Variants in ZNF354A observed in about 807,000 individuals in gnomAD.
The protein encoded by ZNF354A is zinc finger protein 354A, also known as epididymis luminal protein 104.
Under a neutral mutation model 53.3 loss-of-function variants are expected in ZNF354A, and 25 were observed. That is an observed-to-expected ratio of 0.47 (90% CI 0.34 to 0.66). ZNF354A has a LOEUF of 0.66. ZNF354A is among the 30% of genes least tolerant of loss of function. The pLI, the probability that ZNF354A is intolerant of heterozygous loss-of-function variation, is 0.01. For synonymous variants in ZNF354A, 228 were observed against 249.0 expected (o/e 0.92, Z 0.79); for missense variants, 586 against 716.8 (o/e 0.82, Z 2.08).
intron 4 of ZNF354A, among the ~76,000 whole-genome samples, 187 bp downstream of exon 4, chr5:178,725,189 G>A (rs1561620924): frequency 6.6e-6 from 1 of 152,240 alleles, no homozygotes; most frequent in African/African-American, 2.4e-5. Context: ...CAACAGGAAA[G>A]AGTAAGAAAG....
At chr5:178,723,108 C>T (rs13188788) in intron 4 of ZNF354A, among the ~76,000 whole-genome samples, 60,858 of 152,044 alleles carry the variant, frequency 0.4, 13,113 homozygotes, top group Admixed American at 0.51. Context: ...CAGGGCCAGA[C>T]CACGTAGTGT....
chr5:178,713,726 A>C, intron 4 of ZNF354A, 105 bp from the exon 5 acceptor site: 5 of 1,359,766 alleles, frequency 3.7e-6, no homozygotes, highest in Non-Finnish European at 4.9e-6. Context: ...TTTAAATAAG[A>C]CCCTGATATC....
At chr5:178,719,149 T>G (rs142367500) in intron 4 of ZNF354A, among the ~76,000 whole-genome samples, 54 of 152,122 alleles carry the variant, frequency 3.5e-4, no homozygotes, top group African/African-American at 1.3e-3. Context: ...TCAAAAAGCA[T>G]TGGTCACGCC....
rs148731832 is a variant in ZNF354A at position 178,712,527 on chromosome 5, A to C, written c.1351T>G (p.Ser451Ala). The C allele has an allele frequency of 6.2e-7, 1 of 1,614,056 alleles. No individual in the cohort carries two copies. Among genetic ancestry groups the C allele is most frequent in the South Asian group, 1.1e-5 (1 of 91,086 alleles). The change falls in exon 5 of 5, where the codon TCA (serine) becomes GCA (alanine). Residue 451 changes from serine (S) to alanine (A), a missense_variant. Around this residue, in one of 2 missense-constraint regions of ZNF354A, gnomAD observed 573 missense variants for 680.1 expected, o/e 0.84. Coordinates refer to ENST00000335815, the MANE Select transcript of ZNF354A (RefSeq NM_005649.3). ...ATTCGCTCGTGAATAATAAGTGTTG[A>C]GTGGGAGCTTAAGGCTTTACCACAT... ...NECGKALSSH[S>A]TLIIHERIHT...
chr5:178,727,968 G>A (rs1423304685), intron 2 of ZNF354A, among the ~76,000 whole-genome samples: 6 of 151,866 alleles, frequency 4.0e-5, no homozygotes, highest in East Asian at 1.9e-4. Flanking sequence ...CTCTTGCCTC[G>A]GCCTCCTGAG....
Position 178,712,738 on chromosome 5 carries a change from C to A in ZNF354A, c.1140G>T (p.Lys380Asn), listed in dbSNP as rs1367205493. ...RYHQRIHTGEKPFKCSECGRA... is the reference protein window; with the variant it reads ...RYHQRIHTGENPFKCSECGRA... ...TCCCACATTCACTACATTTAAAAGG[C>A]TTCTCTCCAGTGTGAATTCTCTGAT... Residue 380 changes from lysine to asparagine, a missense_variant, in exon 5 of 5, where the codon AAG becomes AAT. Lys to Asn is a moderately conservative substitution (Grantham distance 94, BLOSUM62 0). Around this residue, in one of 2 missense-constraint regions of ZNF354A, gnomAD observed 573 missense variants for 680.1 expected, o/e 0.84. Coordinates refer to ENST00000335815, the MANE Select transcript of ZNF354A (RefSeq NM_005649.3). The A allele has an allele frequency of 3.7e-6, 6 of 1,613,704 alleles. No homozygotes were observed. The highest frequency in any genetic ancestry group is 8.5e-7 in the Non-Finnish European group (1 of 1,179,816).
At chr5:178,722,033 C>T (rs1271257378) in intron 4 of ZNF354A, among the ~76,000 whole-genome samples, 4 of 152,206 alleles carry the variant, frequency 2.6e-5, no homozygotes, top group Admixed American at 1.3e-4. Flanking sequence ...TCTACTGCTA[C>T]CATTCCATCA....
chr5:178,719,062 T>C (rs1765763201), intron 4 of ZNF354A, among the ~76,000 whole-genome samples: 1 of 152,252 alleles, frequency 6.6e-6, no homozygotes, highest in Non-Finnish European at 1.5e-5. Context: ...GTTATTCCTT[T>C]GACCTGTTTC....
chr5:178,728,780 TTC>T (rs1373037101), intron 2 of ZNF354A, among the ~76,000 whole-genome samples: 738 of 30,884 alleles, frequency 0.024, 4 homozygotes, highest in Non-Finnish European at 0.028. Context: ...CAAAGCGAGA[TTC>T]AAAAAAAAAA....
Position 178,713,225 on chromosome 5 carries a change from A to G in ZNF354A, c.653T>C (p.Leu218Pro), listed in dbSNP as rs747494952. ...AGTGTTAATGAAGGTTTTTTCACACAGACTACATTTATAGCGTTTATCTGC... is the reference window on the plus strand; with the variant it reads ...AGTGTTAATGAAGGTTTTTTCACACGGACTACATTTATAGCGTTTATCTGC... ...ITADKRYKCSLCEKTFINTSS... is the reference protein window; with the variant it reads ...ITADKRYKCSPCEKTFINTSS... Residue 218 changes from leucine to proline, a missense_variant, in exon 5 of 5, where the codon CTG (leucine) becomes CCG (proline). Coordinates refer to ENST00000335815, the MANE Select transcript of ZNF354A (RefSeq NM_005649.3). 1.2e-6 allele frequency: 2 copies of G among 1,614,158 alleles called. No individual in the cohort carries two copies.
intron 3 of ZNF354A, chr5:178,725,979 C>T (rs927722939): frequency 3.4e-6 from 1 of 291,070 alleles, no homozygotes; most frequent in South Asian, 3.0e-5. Context: ...TCCCAAGTAG[C>T]GGGGACTACA....
At chr5:178,726,316 CTTTT>C in intron 3 of ZNF354A, 1 of 342,046 alleles carries the variant, frequency 2.9e-6, no homozygotes. Flanking sequence ...TACTACGTGG[CTTTT>C]TTTTTTTTGA....
rs1195996138 is a variant in ZNF354A, at chr5:178,726,311, C to T, written c.160+688G>A. The T allele has an allele frequency of 1.1e-4, 43 of 382,152 alleles. 1 individual carries two copies. Among genetic ancestry groups the T allele is most frequent in the Non-Finnish European group, 1.7e-4 (33 of 190,214 alleles). The allele number at this position is 382,152 out of a possible 1,614,324, so 23.7% of individuals were successfully genotyped here. A position where few individuals can be genotyped will look rare whatever the true frequency, so the allele number is the denominator to read the frequency against. ...CCCACAAAGCCTAAAGTCTTTACTA[C>T]GTGGCTTTTTTTTTTTTGAGACAGA... is the stretch of plus-strand genomic sequence containing the variant. On this transcript the variant is annotated intron_variant, in intron 3 of 4. Transcript: ENST00000335815.
intron 4 of ZNF354A, among the ~76,000 whole-genome samples, chr5:178,724,787 T>C (rs1187143418): frequency 1.3e-5 from 2 of 152,230 alleles, no homozygotes; most frequent in South Asian, 2.1e-4. Context: ...GGTGGCGTCC[T>C]AACAATGCTC....
Position 178,712,901 on chromosome 5 carries a change from CA to C in ZNF354A, c.976del (p.Cys326ValfsTer122). The C allele has an allele frequency of 6.2e-7, 1 of 1,614,066 alleles. No homozygotes were observed. Among genetic ancestry groups the C allele is most frequent in the South Asian group, 1.1e-5 (1 of 91,076 alleles). ...TGCCTTCCTACCCGGATTATACTTA[CA>C]AGGGTTTTCTTCAGCATGAATTTTT... ...HQKIHAEENP[C>X]KYNPGRKASS... On this transcript the variant is annotated frameshift_variant, in exon 5 of 5. Transcript: ENST00000335815. LOFTEE classifies it high-confidence loss of function.
intron 4 of ZNF354A, among the ~76,000 whole-genome samples, chr5:178,722,997 G>T (rs936328444): frequency 1.3e-5 from 2 of 152,192 alleles, no homozygotes; most frequent in African/African-American, 2.4e-5. Flanking sequence ...CTGAGTGGGG[G>T]CCTGCTTGGC....
At chr5:178,722,378 A>T (rs1048334718) in intron 4 of ZNF354A, among the ~76,000 whole-genome samples, 2 of 152,192 alleles carry the variant, frequency 1.3e-5, no homozygotes, top group African/African-American at 4.8e-5. Context: ...CAGCTCAATT[A>T]ATCTAAAACC....
At chr5:178,729,785 G>T (rs950036537) in intron 1 of ZNF354A, among the ~76,000 whole-genome samples, 55 of 151,734 alleles carry the variant, frequency 3.6e-4, no homozygotes, top group Admixed American at 2.1e-3. Flanking sequence ...GATCTCAGGT[G>T]ATCTGCCCGC....
At chr5:178,714,669 T>C (rs1765682723) in intron 4 of ZNF354A, among the ~76,000 whole-genome samples, 1 of 152,248 alleles carries the variant, frequency 6.6e-6, no homozygotes, top group Admixed American at 6.5e-5. Flanking sequence ...TAATTACTTA[T>C]ACATTCCTAA....
Sources: allele counts gnomAD v4.1 joint callset (sites outside exome capture counted in the v4.1 genomes callset), GRCh38; gene constraint gnomAD v4.1.1; regional missense constraint gnomAD v4.1.1; transcripts MANE v1.5; gene names NCBI Gene and HGNC (gene_info 2026-07-23, HGNC 2026-07-21).